Variants in FARP1 observed in about 807,000 individuals in gnomAD.
FARP1 encodes FERM, ARHGEF and pleckstrin domain-containing protein 1.
A neutral mutation model predicts 128.8 loss-of-function variants in FARP1; 52 were observed. The ratio of observed to expected loss-of-function variants is 0.40; its 90% CI spans 0.32 to 0.51. The LOEUF is 0.51. Among genes scored for constraint, FARP1 ranks in the 20% least tolerant of loss-of-function variants. FARP1 has a pLI of 0.45. For missense variants in FARP1, 1,333 were observed against 1,367.9 expected, an observed-to-expected ratio of 0.97 and a Z score of 0.40; for synonymous variants, 580 against 551.8, an observed-to-expected ratio of 1.05 and a Z score of -0.72.
chr13:98,176,537 G>A lies in FARP1; in HGVS notation c.-24+33045G>A. On this transcript the variant is annotated intron_variant, in intron 1 of 26. Transcript: ENST00000319562. This position sits in a 1 kb window ranked among gnomAD's most constrained non-coding sequence, Gnocchi z 6.2. ...TTTTCGTCCTCGCAGATACAGTAGCGACCCTCTTCAAGCTCCCGTTCAATC... is the reference window on the plus strand; with the variant it reads ...TTTTCGTCCTCGCAGATACAGTAGCAACCCTCTTCAAGCTCCCGTTCAATC... 6.2e-7 allele frequency: 1 copy of A among 1,614,108 alleles called. No homozygotes were observed. The highest frequency in any genetic ancestry group is 2.2e-5 in the East Asian group (1 of 44,870).
intron 2 of FARP1, among the ~76,000 whole-genome samples, chr13:98,291,957 T>G (rs1885470257): frequency 6.6e-6 from 1 of 152,202 alleles, no homozygotes; most frequent in Non-Finnish European, 1.5e-5. Flanking sequence ...GGGGAAACAA[T>G]AGCTTCTGTG....
chr13:98,333,649 T>G (rs1047166401), intron 2 of FARP1: 12 of 152,248 alleles, frequency 7.9e-5, no homozygotes, highest in African/African-American at 2.7e-4. Context: ...TAACGAGGGT[T>G]CTGAACGCTG....
chr13:98,353,376 T>C (rs1594436505), intron 3 of FARP1, among the ~76,000 whole-genome samples: 1 of 152,238 alleles, frequency 6.6e-6, no homozygotes, highest in African/African-American at 2.4e-5. Flanking sequence ...CTTTGTGCAG[T>C]ATTATTATTA....
rs758227141 is a variant in FARP1 at position 98,395,368 on chromosome 13, G to A, written c.1306G>A (p.Gly436Ser). ...CCCTGCGCCGAGGAGAAGCCCCGCG[G>A]GTAACAAGCAGGCGGACGGAGCCGC... is the stretch of plus-strand genomic sequence containing the variant. ...PSPAPRRSPAGNKQADGAASA... is the reference protein window; with the variant it reads ...PSPAPRRSPASNKQADGAASA... The change falls in exon 13 of 27, where the codon GGT becomes AGT. Residue 436 changes from glycine to serine, a missense_variant. Coordinates refer to ENST00000319562, the MANE Select transcript of FARP1 (RefSeq NM_005766.4). 3 of 1,611,966 alleles carry A rather than the reference G, an allele frequency of 1.9e-6. No homozygotes were observed. In the South Asian group the frequency reaches 3.3e-5, roughly 18 times the overall value.
At chr13:98,352,145 G>C (rs1888460643) in intron 3 of FARP1, among the ~76,000 whole-genome samples, 1 of 152,088 alleles carries the variant, frequency 6.6e-6, no homozygotes, top group Non-Finnish European at 1.5e-5. Context: ...GGCAAAACTA[G>C]ATGCCATAGT....
chr13:98,375,303 T>G (rs9582219), intron 5 of FARP1, among the ~76,000 whole-genome samples: 39,697 of 152,126 alleles, frequency 0.26, 5,183 homozygotes, highest in South Asian at 0.41. Context: ...CTGGCTGGAG[T>G]CAATAATTTC....
chr13:98,348,381 A>G (rs1425673462), intron 3 of FARP1, among the ~76,000 whole-genome samples: 7 of 152,380 alleles, frequency 4.6e-5, no homozygotes, highest in Non-Finnish European at 7.3e-5. Flanking sequence ...CCCCGTGCTT[A>G]TTACGGCTGC....
chr13:98,363,466 T>G (rs1888957044), intron 3 of FARP1, among the ~76,000 whole-genome samples: 2 of 152,218 alleles, frequency 1.3e-5, no homozygotes, highest in Admixed American at 1.3e-4. Flanking sequence ...TCCTTAGAGC[T>G]AGCAGGGCCC....
At chr13:98,274,827 A>T (rs1884559699) in intron 2 of FARP1, among the ~76,000 whole-genome samples, 1 of 152,226 alleles carries the variant, frequency 6.6e-6, no homozygotes, top group African/African-American at 2.4e-5. Context: ...CCTTCAAGTA[A>T]GTGAAAACCT....
At chr13:98,254,551 A>G (rs955164523) in intron 2 of FARP1, among the ~76,000 whole-genome samples, 2 of 152,238 alleles carry the variant, frequency 1.3e-5, no homozygotes, top group Non-Finnish European at 2.9e-5. Flanking sequence ...TGGAGAGTCT[A>G]CTGATGAGAA....
intron 11 of FARP1, 99 bp from the exon 12 acceptor site, chr13:98,393,544 C>G (rs909198435): frequency 2.3e-6 from 2 of 875,266 alleles, no homozygotes; most frequent in Non-Finnish European, 3.8e-6. Context: ...GAGGAAGGCA[C>G]TAATACGTCC....
At chr13:98,336,963 C>G (rs993279232) in intron 2 of FARP1, among the ~76,000 whole-genome samples, 2 of 152,196 alleles carry the variant, frequency 1.3e-5, no homozygotes, top group African/African-American at 4.8e-5. Context: ...GAGAACCCTT[C>G]AGGAATATTA....
rs1232357655 is a variant in FARP1, at chr13:98,455,038, G to C, written c.*6721G>C. ...GATGCCCAGTGAGCACGTAAAATGT[G>C]CTGCGTCTGAATGGAGATGTGCTAA... is the stretch of plus-strand genomic sequence containing the variant. On this transcript the variant is annotated 3_prime_UTR_variant, in exon 27 of 27. Coordinates refer to ENST00000319562, the MANE Select transcript of FARP1 (RefSeq NM_005766.4). 1 of 152,204 alleles carries C rather than the reference G, an allele frequency of 6.6e-6. No homozygotes were observed. The highest frequency in any genetic ancestry group is 2.4e-5 in the African/African-American group (1 of 41,442). 9.4% of individuals were successfully genotyped at this position (152,204 alleles called of 1,614,324 possible).
chr13:98,339,897 G>C (rs1887893192), intron 2 of FARP1, among the ~76,000 whole-genome samples: 2 of 152,076 alleles, frequency 1.3e-5, no homozygotes, highest in African/African-American at 4.8e-5. Flanking sequence ...AGTGTGCAGT[G>C]CTGGGGCGGC....
At chr13:98,232,502 G>A (rs567440124) in intron 2 of FARP1, among the ~76,000 whole-genome samples, 1 of 152,228 alleles carries the variant, frequency 6.6e-6, no homozygotes, top group South Asian at 2.1e-4. Flanking sequence ...GAAGGTTGGT[G>A]GCAATTCTGC....
chr13:98,256,948 G>GGGATATATATAT (rs59128917), intron 2 of FARP1, among the ~76,000 whole-genome samples: 1 of 77,076 alleles, frequency 1.3e-5, no homozygotes, highest in African/African-American at 4.0e-5. Flanking sequence ...TATATATGTG[G>GGGATATATATAT]ATATATATAT....
chr13:98,167,378 G>C (rs957383815), intron 1 of FARP1, among the ~76,000 whole-genome samples: 5 of 149,972 alleles, frequency 3.3e-5, no homozygotes, highest in Non-Finnish European at 5.9e-5. Flanking sequence ...CATGCTTAGA[G>C]AGATCTGCAA....
intron 2 of FARP1, among the ~76,000 whole-genome samples, chr13:98,218,264 C>T (rs1435070736): frequency 2.0e-5 from 3 of 152,150 alleles, no homozygotes; most frequent in Non-Finnish European, 4.4e-5. Flanking sequence ...GCTTGTGCTC[C>T]AGGCCAGCCT....
chr13:98,163,449 T>C (rs551856143), intron 1 of FARP1, among the ~76,000 whole-genome samples: 1 of 151,606 alleles, frequency 6.6e-6, no homozygotes, highest in Non-Finnish European at 1.5e-5. Flanking sequence ...GAACCTAAAA[T>C]AAAAGTTAAA....
Sources: allele counts gnomAD v4.1 joint callset (sites outside exome capture counted in the v4.1 genomes callset), GRCh38; gene constraint gnomAD v4.1.1; non-coding constraint Gnocchi (gnomAD v3.1); transcripts MANE v1.5; gene names NCBI Gene and HGNC (gene_info 2026-07-23, HGNC 2026-07-21).